LRRC23: variants seen among roughly 807,000 people sequenced by gnomAD.
LRRC23 encodes leucine rich repeat containing 23, also known as leucine-rich repeat-containing protein 23.
LRRC23 carries 28 observed loss-of-function variants against 37.7 expected under a neutral mutation model. That is an observed-to-expected ratio of 0.74 (90% CI 0.55 to 1.02). The LOEUF (loss-of-function observed/expected upper bound fraction) is 1.02, where lower values mean the gene tolerates loss of function less well. Ranked by LOEUF, LRRC23 falls within the 50% of genes least tolerant of loss-of-function variation. LRRC23 has a pLI of 0.00. For missense variants in LRRC23, 377 were observed against 413.2 expected (o/e 0.91, Z 0.76); for synonymous variants, 161 against 165.4 (o/e 0.97, Z 0.20).
chr12:6,909,975 C>A lies in LRRC23; in HGVS notation c.707C>A (p.Thr236Asn). 1 of 1,613,874 alleles carries A rather than the reference C, an allele frequency of 6.2e-7. No homozygotes were observed. The highest frequency in any genetic ancestry group is 8.5e-7 in the Non-Finnish European group (1 of 1,179,938). ...TLHLRDNQID[T>N]LSGFSREMKS... ...CATCTTCGAGACAACCAGATTGACA[C>A]CCTGAGTGGCTTCTCCAGAGAAATG... Residue 236 changes from threonine to asparagine, a missense_variant, in exon 6 of 8, where the codon ACC becomes AAC. This residue lies in a region of LRRC23 where 266 missense variants were observed against 285.6 expected (regional missense o/e 0.93). Coordinates refer to ENST00000443597, the MANE Select transcript of LRRC23 (RefSeq NM_001135217.2).
intron 5 of LRRC23, chr12:6,907,805 G>C (rs1195228396): frequency 6.6e-6 from 3 of 452,418 alleles, no homozygotes; most frequent in Admixed American, 7.1e-5. Context: ...TACGACTTCC[G>C]GGACCAAAGG....
At position 6,909,140 on chromosome 12, in the gene LRRC23, T is replaced by TA. The variant is rs1565553540; in HGVS notation, c.622-749dup. On this transcript the variant is annotated intron_variant, in intron 5 of 7. Transcript: ENST00000443597. ...ATATAATATATAATATATAATTATA[T>TA]ATTATATATTATATATTATATATAA... Among the ~76,000 whole-genome samples the TA allele has an allele frequency of 3.2e-3, 49 of 15,368 alleles. 3 individuals carry two copies. Among genetic ancestry groups the TA allele is most frequent in the African/African-American group, 6.4e-3 (6 of 936 alleles). The allele number at this position is 15,368 out of a possible 152,430, so 10.1% of individuals were successfully genotyped here. A position where few individuals can be genotyped will look rare whatever the true frequency, so the allele number is the denominator to read the frequency against.
chr12:6,912,804 T>C lies in LRRC23; in HGVS notation c.833T>C (p.Leu278Pro), dbSNP rs1490188180. Reference protein sequence around the residue: ...DLPKLRALVLLDNPCTDETSY... With the variant: ...DLPKLRALVLPDNPCTDETSY... ...CCCAAGCTGCGAGCGTTGGTGCTGC[T>C]TGATAACCCATGCACGGACGAAACC... The change falls in exon 7 of 8, where the codon CTT becomes CCT. Residue 278 changes from leucine (L) to proline (P), a missense_variant. Coordinates refer to ENST00000443597, the MANE Select transcript of LRRC23 (RefSeq NM_001135217.2). 6.2e-7 allele frequency: 1 copy of C among 1,614,106 alleles called. No homozygotes were observed. Among genetic ancestry groups the C allele is most frequent in the Non-Finnish European group, 8.5e-7 (1 of 1,180,020 alleles).
rs1555139749 is a variant in LRRC23 at position 6,907,296 on chromosome 12, T to C, written c.491-19T>C. On this transcript the variant is annotated intron_variant, in intron 4 of 7. Transcript: ENST00000443597. ...GCATTTGGAGTGGCCCTTTGAGCTC[T>C]TGAAACCCTCCTCCCCAGGGAACAG... is the stretch of plus-strand genomic sequence containing the variant. The C allele has an allele frequency of 2.5e-6, 4 of 1,613,040 alleles. No homozygotes were observed. Among genetic ancestry groups the C allele is most frequent in the South Asian group, 1.1e-5 (1 of 91,044 alleles).
intron 6 of LRRC23, 44 bp downstream of exon 6, chr12:6,910,070 A>C: frequency 6.4e-7 from 1 of 1,557,444 alleles, no homozygotes; most frequent in African/African-American, 1.4e-5. Context: ...ACCCCTGACC[A>C]GGTGCAGCTT....
intron 6 of LRRC23, among the ~76,000 whole-genome samples, chr12:6,912,163 C>G (rs2138167474): frequency 6.6e-6 from 1 of 152,242 alleles, no homozygotes; most frequent in Admixed American, 6.5e-5. Flanking sequence ...GCTTAGATCC[C>G]AGTTCCTTGT....
At chr12:6,908,762 T>A (rs1945020067) in intron 5 of LRRC23, among the ~76,000 whole-genome samples, 2 of 148,348 alleles carry the variant, frequency 1.3e-5, no homozygotes, top group Admixed American at 6.8e-5. Context: ...AGGCGGGGCT[T>A]GCAGTGAGCC....
chr12:6,906,696 T>C, intron 4 of LRRC23, 34 bp downstream of exon 4: 1 of 1,605,464 alleles, frequency 6.2e-7, no homozygotes, highest in South Asian at 1.1e-5. Flanking sequence ...CAAGATTCTT[T>C]CCTTCCTAGC....
intron 5 of LRRC23, chr12:6,907,717 G>A: frequency 1.7e-6 from 1 of 590,002 alleles, no homozygotes. Context: ...TCAGTCTGTG[G>A]AAATGTTTTA....
intron 7 of LRRC23, chr12:6,913,304 C>A (rs886203787): frequency 2.9e-5 from 12 of 417,770 alleles, no homozygotes; most frequent in African/African-American, 2.2e-4. Context: ...ATACCTGACA[C>A]AGAGTGAAGT....
chr12:6,911,652 G>A (rs1379091469), intron 6 of LRRC23, among the ~76,000 whole-genome samples: 3 of 152,140 alleles, frequency 2.0e-5, no homozygotes, highest in Non-Finnish European at 4.4e-5. Context: ...GGCTCAGCAC[G>A]ACCATGAGAT....
chr12:6,907,741 C>T, intron 5 of LRRC23: 1 of 576,842 alleles, frequency 1.7e-6, no homozygotes. Context: ...AAACCCTCCT[C>T]TCAGACTGGG....
At chr12:6,910,957 G>T (rs905116283) in intron 6 of LRRC23, among the ~76,000 whole-genome samples, 11 of 151,954 alleles carry the variant, frequency 7.2e-5, no homozygotes, top group Non-Finnish European at 1.3e-4. Context: ...TTCCTAAGGG[G>T]CTCACAGTCT....
intron 5 of LRRC23, among the ~76,000 whole-genome samples, chr12:6,909,025 T>TATATATATTATATATTATATATAA (rs1945028651): frequency 1.1e-5 from 1 of 93,802 alleles, no homozygotes; most frequent in African/African-American, 4.3e-5. Context: ...TGAAAACCGA[T>TATATATATTATATATTATATATAA]ATATATATTA....
At chr12:6,910,113 C>T (rs782449883) in intron 6 of LRRC23, 87 bp downstream of exon 6, 13 of 1,286,694 alleles carry the variant, frequency 1.0e-5, no homozygotes, top group Middle Eastern at 2.8e-4. Flanking sequence ...CCCAATCCCC[C>T]AGTCCTAGCC....
rs147008348 is a variant in LRRC23, at chr12:6,912,966, C to T, written c.995C>T (p.Pro332Leu). The T allele has an allele frequency of 1.5e-5, 24 of 1,613,938 alleles. No homozygotes were observed. In the Admixed American group the frequency reaches 1.5e-4, roughly 10 times the overall value. ...LKEEKEQEPE[P>L]QRDLEPEQSL... ...GAAGAAAAGGAGCAGGAGCCTGAGCCCCAGCGTGACCTGGAACCCGAACAG... is the reference window on the plus strand; with the variant it reads ...GAAGAAAAGGAGCAGGAGCCTGAGCTCCAGCGTGACCTGGAACCCGAACAG... The change falls in exon 7 of 8, where the codon CCC becomes CTC. Residue 332 changes from proline (P) to leucine (L), a missense_variant. Pro to Leu is a moderately conservative substitution (Grantham distance 98). This residue lies in a region of LRRC23 where 266 missense variants were observed against 285.6 expected (regional missense o/e 0.93). Coordinates refer to ENST00000443597, the MANE Select transcript of LRRC23 (RefSeq NM_001135217.2).
At chr12:6,910,630 G>A (rs868945538) in intron 6 of LRRC23, among the ~76,000 whole-genome samples, 2 of 152,126 alleles carry the variant, frequency 1.3e-5, no homozygotes, top group African/African-American at 4.8e-5. Flanking sequence ...GATCGCTGGA[G>A]CCTCGAGGTG....
chr12:6,906,808 T>G, intron 4 of LRRC23, 146 bp downstream of exon 4: 1 of 886,994 alleles, frequency 1.1e-6, no homozygotes, highest in African/African-American at 1.7e-5. Context: ...TTATGACAGT[T>G]CTACATGCTA....
In LRRC23 at chr12:6,914,012, CCCAGGATCTGCTCTGTG is replaced by C. The variant is rs781898326; in HGVS notation, c.*149_*165del. The C allele has an allele frequency of 3.1e-6, 5 of 1,613,644 alleles. No individual in the cohort carries two copies. In the East Asian group the frequency reaches 8.9e-5, roughly 29 times the overall value. On this transcript the variant is annotated 3_prime_UTR_variant, in exon 8 of 8. Coordinates refer to ENST00000443597, the MANE Select transcript of LRRC23 (RefSeq NM_001135217.2). The surrounding 1 kb of genome is among the most constrained non-coding windows in gnomAD (Gnocchi z 7.1). Reference sequence around the variant, plus strand: ...GCTGGAAATTCATCACAACCTGAGGCCCAGGATCTGCTCTGTGCCGGTCCTCTGGGCAGTGTGGGGTG... The same window carrying C: ...GCTGGAAATTCATCACAACCTGAGGCCCGGTCCTCTGGGCAGTGTGGGGTG...
Sources: gnomAD v4.1 joint callset for allele counts (sites outside exome capture counted in the v4.1 genomes callset) on GRCh38, gnomAD v4.1.1 for gene constraint, gnomAD v4.1.1 regional missense constraint, Gnocchi (gnomAD v3.1) non-coding constraint, MANE v1.5 for transcripts, NCBI Gene and HGNC (gene_info 2026-07-23, HGNC 2026-07-21) for gene names.